Variants in GNL3L observed in about 807,000 individuals in gnomAD.
GNL3L encodes the protein guanine nucleotide-binding protein-like 3-like protein.
Under a neutral mutation model 42.9 loss-of-function variants are expected in GNL3L, and 4 were observed. The observed-to-expected ratio is 0.09, with a 90% CI of 0.05 to 0.21. The LOEUF (loss-of-function observed/expected upper bound fraction) is 0.21. GNL3L is among the 10% of genes least tolerant of loss of function. The pLI is 1.00. For synonymous variants in GNL3L, 159 were observed against 176.3 expected, an observed-to-expected ratio of 0.90 and a Z score of 0.78; for missense variants, 412 against 481.7, an observed-to-expected ratio of 0.86 and a Z score of 1.36.
At chrX:54,585,592 G>A (rs901205348) in intron 16 of GNL3L, among the ~76,000 whole-genome samples, 2 of 111,609 alleles carry the variant, frequency 1.8e-5, no homozygotes, top group African/African-American at 6.5e-5. Flanking sequence ...TGCAGTGTCA[G>A]TTGTAATATC....
chrX:54,591,047 T>C, intron 16 of GNL3L, among the ~76,000 whole-genome samples: 1 of 110,320 alleles, frequency 9.1e-6, no homozygotes, highest in Non-Finnish European at 1.9e-5. Context: ...GCCAGGCTGG[T>C]CTTGAACTCC....
At chrX:54,571,518 T>G (rs1925543417), downstream of GNL3L, among the ~76,000 whole-genome samples, 1 of 102,254 alleles carries the variant, frequency 9.8e-6, no homozygotes, top group Non-Finnish European at 2.0e-5. Flanking sequence ...TTTTTTTTTT[T>G]GAGACAGGGT....
At chrX:54,594,556 A>T (rs1306168086) in intron 16 of GNL3L, among the ~76,000 whole-genome samples, 2 of 106,788 alleles carry the variant, frequency 1.9e-5, no homozygotes, top group African/African-American at 3.4e-5. Flanking sequence ...TTTTTTTTTA[A>T]AAAAAAATCT....
Position 54,561,322 on chromosome X carries a change from C to T in GNL3L, c.*720C>T, listed in dbSNP as rs1286466295. On this transcript the variant is annotated 3_prime_UTR_variant, in exon 16 of 16. Transcript: ENST00000360845. ...GGGAGGGTGATGGTTTCTTTACCAC[C>T]CCACAGGAGATTTCAGTGGCAAGGC... Among the ~76,000 whole-genome samples, 2 of 111,762 alleles carry T rather than the reference C, an allele frequency of 1.8e-5. No individual in the cohort carries two copies. Among genetic ancestry groups the T allele is most frequent in the African/African-American group, 6.5e-5 (2 of 30,697 alleles).
At chrX:54,598,586 C>T (rs1208087314) in intron 16 of GNL3L, among the ~76,000 whole-genome samples, 2 of 110,327 alleles carry the variant, frequency 1.8e-5, no homozygotes, top group Non-Finnish European at 3.8e-5. Flanking sequence ...TCAGACAGGA[C>T]CTTAAAATAT....
chrX:54,593,309 T>G (rs773117232), intron 16 of GNL3L, among the ~76,000 whole-genome samples: 2 of 111,551 alleles, frequency 1.8e-5, no homozygotes, highest in Non-Finnish European at 3.8e-5. Flanking sequence ...TTACTTGTTA[T>G]TGGTCTGTTC....
downstream of GNL3L, among the ~76,000 whole-genome samples, chrX:54,624,440 T>C (rs973691073): frequency 1.3e-5 from 1 of 76,586 alleles, no homozygotes; most frequent in Non-Finnish European, 2.2e-5. Flanking sequence ...TTCTTTTTCT[T>C]TTTTTTTTTT....
At chrX:54,568,078 C>T (rs1925486043), downstream of GNL3L, among the ~76,000 whole-genome samples, 1 of 107,867 alleles carries the variant, frequency 9.3e-6, no homozygotes, top group Admixed American at 1.0e-4. Flanking sequence ...AAGTGATTCT[C>T]CTGCCTCAGC....
intron 16 of GNL3L, among the ~76,000 whole-genome samples, chrX:54,614,271 G>A (rs1284396902): frequency 1.8e-5 from 2 of 111,331 alleles, no homozygotes; most frequent in African/African-American, 3.3e-5. Flanking sequence ...TACCCACTGT[G>A]CCCCCACAAC....
At chrX:54,640,939 G>A in the GNL3L span, among the ~76,000 whole-genome samples, 1 of 112,184 alleles carries the variant, frequency 8.9e-6, no homozygotes, top group Non-Finnish European at 1.9e-5. Context: ...CATTGTGAGC[G>A]GGTGCAGCTC....
At chrX:54,585,655 C>G (rs1216253128) in intron 16 of GNL3L, among the ~76,000 whole-genome samples, 1 of 111,404 alleles carries the variant, frequency 9.0e-6, no homozygotes, top group Non-Finnish European at 1.9e-5. Context: ...CTTAGTCTAG[C>G]TAAAGGTTTA....
At chrX:54,608,585 A>G (rs947898915) in intron 16 of GNL3L, among the ~76,000 whole-genome samples, 4 of 109,695 alleles carry the variant, frequency 3.6e-5, no homozygotes, top group African/African-American at 1.3e-4. Flanking sequence ...GCTCCCACAT[A>G]TCAGTGAGAA....
intron 5 of GNL3L, among the ~76,000 whole-genome samples, chrX:54,541,993 G>A (rs1924635079): frequency 9.0e-6 from 1 of 111,472 alleles, no homozygotes; most frequent in Admixed American, 9.6e-5. Flanking sequence ...TATACACATA[G>A]GCGCACACAT....
chrX:54,598,122 A>C (rs1925958228), intron 16 of GNL3L, among the ~76,000 whole-genome samples: 1 of 111,572 alleles, frequency 9.0e-6, no homozygotes, highest in Admixed American at 9.5e-5. Flanking sequence ...TTATTCTACT[A>C]TCTTGCTCCA....
Position 54,574,927 on chromosome X carries a change from T to C in GNL3L, c.*45+14280T>C, listed in dbSNP as rs970434942. Among the ~76,000 whole-genome samples, 3 of 112,457 alleles carry C rather than the reference T, an allele frequency of 2.7e-5. No individual in the cohort carries two copies. In the Admixed American group the frequency reaches 2.8e-4, roughly 11 times the overall value. On this transcript the variant is annotated intron_variant, in intron 16 of 16. Transcript: ENST00000674498. ...TTGTTCATAGAATTTGCTTATAATCTTTTTAACTTTTTTTCAGTAAGGTCA... is the reference window on the plus strand; with the variant it reads ...TTGTTCATAGAATTTGCTTATAATCCTTTTAACTTTTTTTCAGTAAGGTCA...
intron 16 of GNL3L, among the ~76,000 whole-genome samples, chrX:54,573,391 C>G (rs1484481350): frequency 8.9e-6 from 1 of 112,122 alleles, no homozygotes; most frequent in East Asian, 2.8e-4. Flanking sequence ...CAAAAAAATA[C>G]GAAAACCAGT....
the GNL3L span, among the ~76,000 whole-genome samples, chrX:54,640,065 C>T: frequency 9.0e-6 from 1 of 110,655 alleles, no homozygotes; most frequent in Middle Eastern, 4.2e-3. Flanking sequence ...CGTACGTCCA[C>T]AAGTGGGCCC....
the GNL3L span, among the ~76,000 whole-genome samples, chrX:54,639,580 G>C: frequency 2.7e-5 from 3 of 112,107 alleles, no homozygotes; most frequent in Non-Finnish European, 5.6e-5. Context: ...AAGCGGTCGT[G>C]AGCCTTGAGC....
At chrX:54,543,925 G>T in intron 7 of GNL3L, 1 of 231,413 alleles carries the variant, frequency 4.3e-6, no homozygotes, top group Non-Finnish European at 7.3e-6. Context: ...CACAATATTT[G>T]GGGGGTCTCT....
Sources: allele counts gnomAD v4.1 joint callset (sites outside exome capture counted in the v4.1 genomes callset), GRCh38; gene constraint gnomAD v4.1.1; transcripts MANE v1.5; gene names NCBI Gene and HGNC (gene_info 2026-07-23, HGNC 2026-07-21).